Variants in ABCA13 observed in about 807,000 individuals in gnomAD.
The protein encoded by ABCA13 is ATP binding cassette subfamily A member 13.
A neutral mutation model predicts 478.7 loss-of-function variants in ABCA13; 476 were observed. The observed-to-expected ratio is 0.99, with a 90% confidence interval of 0.92 to 1.07. The LOEUF (loss-of-function observed/expected upper bound fraction) is 1.07, where lower values mean the gene tolerates loss of function less well. Ranked by LOEUF, ABCA13 falls within the 50% of genes least tolerant of loss-of-function variation. The pLI, the probability that ABCA13 is intolerant of heterozygous loss-of-function variation, is 0.00. For synonymous variants in ABCA13, 2,252 were observed against 2,158.9 expected (o/e 1.04, Z -1.20); for missense variants, 6,060 against 5,910.6 (o/e 1.03, Z -0.83).
At chr7:48,172,760 T>G (rs1434962775) in intron 1 of ABCA13, among the ~76,000 whole-genome samples, 2 of 119,596 alleles carry the variant, frequency 1.7e-5, no homozygotes, top group Non-Finnish European at 3.2e-5. Flanking sequence ...ATCGCGCCAC[T>G]GCACTCCAGC....
At chr7:48,393,533 T>A (rs1271400082) in intron 38 of ABCA13, among the ~76,000 whole-genome samples, 1 of 152,216 alleles carries the variant, frequency 6.6e-6, no homozygotes, top group Non-Finnish European at 1.5e-5. Context: ...TTACAATATT[T>A]TTGCAAGCTT....
chr7:48,498,858 C>T (rs1303921415), intron 48 of ABCA13, among the ~76,000 whole-genome samples: 1 of 152,082 alleles, frequency 6.6e-6, no homozygotes, highest in African/African-American at 2.4e-5. Context: ...TGGGTGAGCA[C>T]CGGTTGTAGT....
At chr7:48,475,879 G>C (rs373284714) in intron 45 of ABCA13, among the ~76,000 whole-genome samples, 1 of 152,246 alleles carries the variant, frequency 6.6e-6, no homozygotes, top group South Asian at 2.1e-4. Context: ...GTTAGAAAAG[G>C]CTTAAAGGGG....
chr7:48,264,724 CT>C (rs141225185), intron 15 of ABCA13, among the ~76,000 whole-genome samples: 6,123 of 151,702 alleles, frequency 0.04, 371 homozygotes, highest in African/African-American at 0.14. Context: ...GGCCTCTGGA[CT>C]GTCTTTTCAT....
chr7:48,337,961 C>A (rs1295904663), intron 28 of ABCA13, among the ~76,000 whole-genome samples: 7 of 152,158 alleles, frequency 4.6e-5, no homozygotes. Context: ...TTGGGAAATT[C>A]TGAAATCCTC....
At chr7:48,381,422 C>A (rs1176322698) in intron 35 of ABCA13, among the ~76,000 whole-genome samples, 1 of 151,880 alleles carries the variant, frequency 6.6e-6, no homozygotes, top group Non-Finnish European at 1.5e-5. Context: ...CAGACAAATA[C>A]TTTTCTCTCG....
At chr7:48,206,091 T>C (rs1188160501) in intron 3 of ABCA13, among the ~76,000 whole-genome samples, 1 of 152,200 alleles carries the variant, frequency 6.6e-6, no homozygotes, top group Admixed American at 6.5e-5. Flanking sequence ...CTAGATTAGA[T>C]TTGCCTTTTC....
chr7:48,261,448 T>C (rs1260264575), intron 15 of ABCA13, among the ~76,000 whole-genome samples: 1 of 151,956 alleles, frequency 6.6e-6, no homozygotes, highest in East Asian at 1.9e-4. Flanking sequence ...ATTACTTCTT[T>C]GGTAATTTCA....
intron 47 of ABCA13, among the ~76,000 whole-genome samples, chr7:48,487,335 A>AAAAAAC (rs1829422056): frequency 4.0e-5 from 2 of 49,886 alleles, no homozygotes; most frequent in African/African-American, 3.2e-4. Context: ...AAAACAAAAC[A>AAAAAAC]AAAAAAACAA....
chr7:48,498,544 A>C lies in ABCA13; in HGVS notation c.13292-7792A>C, dbSNP rs556083131. Among the ~76,000 whole-genome samples the C allele has an allele frequency of 2.3e-3, 348 of 152,286 alleles. 1 individual carries two copies. Among genetic ancestry groups the C allele is most frequent in the African/African-American group, 7.8e-3 (324 of 41,568 alleles). ...ATTGTAAAAATGAGGACTTGGCAGA[A>C]CTGGGGCTGCTCCATCTAGGAGGAC... On this transcript the variant is annotated intron_variant, in intron 48 of 61. Transcript: ENST00000435803.
At chr7:48,226,985 AC>A (rs1788303738) in intron 5 of ABCA13, among the ~76,000 whole-genome samples, 1 of 152,142 alleles carries the variant, frequency 6.6e-6, no homozygotes, top group African/African-American at 2.4e-5. Context: ...ACAGCTTGTT[AC>A]AAAAATCGGC....
intron 51 of ABCA13, among the ~76,000 whole-genome samples, chr7:48,513,746 AT>A (rs1271444031): frequency 2.6e-5 from 4 of 152,238 alleles, no homozygotes; most frequent in African/African-American, 7.2e-5. Context: ...TCACAAAAAA[AT>A]AAATATAAGC....
chr7:48,282,343 G>A (rs1562962573), intron 19 of ABCA13, among the ~76,000 whole-genome samples: 1 of 152,188 alleles, frequency 6.6e-6, no homozygotes, highest in Non-Finnish European at 1.5e-5. Flanking sequence ...TAATTCACAG[G>A]TGCACAGAGG....
intron 5 of ABCA13, among the ~76,000 whole-genome samples, chr7:48,224,000 G>A (rs922340405): frequency 1.3e-5 from 2 of 151,206 alleles, no homozygotes; most frequent in Admixed American, 6.6e-5. Flanking sequence ...GAGAATGGGG[G>A]CAGGTAAGTG....
At chr7:48,527,533 A>G (rs1437753815) in intron 54 of ABCA13, among the ~76,000 whole-genome samples, 2 of 152,208 alleles carry the variant, frequency 1.3e-5, no homozygotes, top group East Asian at 1.9e-4. Flanking sequence ...GCTGAGGCAC[A>G]TGATAGAGAC....
chr7:48,377,618 G>A (rs1813708125), intron 35 of ABCA13, among the ~76,000 whole-genome samples: 1 of 152,092 alleles, frequency 6.6e-6, no homozygotes, highest in Admixed American at 6.5e-5. Context: ...ACAAAAGTAG[G>A]AATATATGGC....
intron 31 of ABCA13, among the ~76,000 whole-genome samples, chr7:48,356,622 T>C (rs905379293): frequency 1.1e-4 from 16 of 151,884 alleles, no homozygotes; most frequent in Non-Finnish European, 2.4e-4. Flanking sequence ...CAGATCTCTC[T>C]CTCTCCTCCT....
At chr7:48,404,267 T>C (rs1403018335) in intron 39 of ABCA13, 4 of 257,360 alleles carry the variant, frequency 1.6e-5, no homozygotes, top group East Asian at 1.0e-4. Context: ...TGTGATTTAC[T>C]TGTAGCTACA....
intron 3 of ABCA13, among the ~76,000 whole-genome samples, chr7:48,213,769 A>T (rs1210872924): frequency 1.3e-5 from 2 of 152,198 alleles, no homozygotes; most frequent in Non-Finnish European, 2.9e-5. Context: ...CTTTGTTATC[A>T]TTTCAGTAAT....
Sources: allele counts gnomAD v4.1 joint callset (sites outside exome capture counted in the v4.1 genomes callset), GRCh38; gene constraint gnomAD v4.1.1; transcripts MANE v1.5; gene names NCBI Gene and HGNC (gene_info 2026-07-23, HGNC 2026-07-21).